The following ADAMTSL1 variants were observed in gnomAD, a reference collection of about 807,000 sequenced individuals.
The protein encoded by ADAMTSL1 is ADAMTS-like protein 1.
Under a neutral mutation model 201.8 loss-of-function variants are expected in ADAMTSL1, and 126 were observed. The ratio of observed to expected loss-of-function variants is 0.62; its 90% CI spans 0.54 to 0.72. The LOEUF (loss-of-function observed/expected upper bound fraction) is 0.72, where lower values mean the gene tolerates loss of function less well. Among genes scored for constraint, ADAMTSL1 ranks in the 30% least tolerant of loss-of-function variants. The pLI, the probability that ADAMTSL1 is intolerant of heterozygous loss-of-function variation, is 0.00. For missense variants in ADAMTSL1, 2,679 were observed against 2,277.8 expected (o/e 1.18, Z -3.59); for synonymous variants, 1,121 against 903.4 (o/e 1.24, Z -4.32).
At chr9:18,875,456 A>G (rs1828090421) in intron 23 of ADAMTSL1, among the ~76,000 whole-genome samples, 1 of 152,146 alleles carries the variant, frequency 6.6e-6, no homozygotes, top group African/African-American at 2.4e-5. Flanking sequence ...CTGTGTCACT[A>G]TTATTATTCA....
At chr9:18,824,553 G>T (rs1369289345) in intron 21 of ADAMTSL1, among the ~76,000 whole-genome samples, 1 of 152,154 alleles carries the variant, frequency 6.6e-6, no homozygotes, top group Non-Finnish European at 1.5e-5. Flanking sequence ...TCAACAGAAG[G>T]CTAGCCATTA....
At chr9:18,145,859 T>C (rs1210872434) in intron 1 of ADAMTSL1, among the ~76,000 whole-genome samples, 4 of 152,142 alleles carry the variant, frequency 2.6e-5, no homozygotes, top group Non-Finnish European at 5.9e-5. Context: ...ATCTCATAAA[T>C]GACTTGTGTT....
At chr9:18,818,964 C>T (rs1305366445) in intron 21 of ADAMTSL1, among the ~76,000 whole-genome samples, 7 of 152,060 alleles carry the variant, frequency 4.6e-5, no homozygotes, top group Admixed American at 3.9e-4. Flanking sequence ...AAGACAAAAC[C>T]CCTGACAGGG....
chr9:18,284,202 C>A (rs1046505556), intron 2 of ADAMTSL1, among the ~76,000 whole-genome samples: 7 of 151,720 alleles, frequency 4.6e-5, no homozygotes, highest in African/African-American at 1.7e-4. Context: ...GCACTCCAGC[C>A]TGGGCAACAA....
At chr9:18,592,033 G>C (rs941152022) in intron 4 of ADAMTSL1, among the ~76,000 whole-genome samples, 1 of 152,192 alleles carries the variant, frequency 6.6e-6, no homozygotes, top group Non-Finnish European at 1.5e-5. Flanking sequence ...GGCCCTTTCT[G>C]TTAACCAATG....
rs1201714793 is a variant in ADAMTSL1, at chr9:18,393,543, C to T, written c.208-111286C>T. On this transcript the variant is annotated intron_variant, in intron 2 of 29. Transcript: ENST00000680146. ...TGATATGTTGCATCATTCAAACTTA[C>T]TAAGGATGTTAAAGAAGACAGTGTG... 3.3e-5 allele frequency among the ~76,000 whole-genome samples: 5 copies of T among 152,184 alleles called. No individual in the cohort carries two copies. In the East Asian group the frequency reaches 9.6e-4, roughly 29 times the overall value.
intron 2 of ADAMTSL1, among the ~76,000 whole-genome samples, chr9:18,344,648 G>T (rs564001636): frequency 6.6e-6 from 1 of 152,260 alleles, no homozygotes; most frequent in African/African-American, 2.4e-5. Flanking sequence ...ATTGGCGGTT[G>T]TTGAATCCTA....
chr9:18,666,017 G>T (rs1442064109), intron 9 of ADAMTSL1, among the ~76,000 whole-genome samples: 1 of 152,096 alleles, frequency 6.6e-6, no homozygotes, highest in Non-Finnish European at 1.5e-5. Flanking sequence ...TTATACAGTA[G>T]ATACTTGGCA....
chr9:18,261,037 T>C (rs1241198047), intron 2 of ADAMTSL1, among the ~76,000 whole-genome samples: 1 of 117,768 alleles, frequency 8.5e-6, no homozygotes, highest in Non-Finnish European at 1.7e-5. Context: ...TTGTGTGTCC[T>C]ACAGAAAGAG....
chr9:18,795,291 AG>A, intron 19 of ADAMTSL1, 105 bp from the exon 20 acceptor site: 1 of 1,435,104 alleles, frequency 7.0e-7, no homozygotes, highest in Non-Finnish European at 9.4e-7. Flanking sequence ...TTGTTAAAAC[AG>A]GGTTCTGCAT....
chr9:18,502,666 C>T (rs533851153), intron 1 of ADAMTSL1, among the ~76,000 whole-genome samples: 1 of 152,080 alleles, frequency 6.6e-6, no homozygotes, highest in African/African-American at 2.4e-5. Context: ...TTGGGGTTAC[C>T]AAGGTGGCTC....
chr9:18,872,757 G>C (rs560813354), intron 23 of ADAMTSL1, among the ~76,000 whole-genome samples: 4 of 152,266 alleles, frequency 2.6e-5, no homozygotes, highest in African/African-American at 9.6e-5. Flanking sequence ...CATTTGGGCT[G>C]GTTCCGTATT....
At position 18,711,717 on chromosome 9, in the gene ADAMTSL1, G is replaced by T. The variant is rs561187784; in HGVS notation, c.1876+4669G>T. Among the ~76,000 whole-genome samples the T allele has an allele frequency of 3.5e-4, 54 of 152,248 alleles. 1 individual carries two copies. In the South Asian group the frequency reaches 0.011, roughly 30 times the overall value. On this transcript the variant is annotated intron_variant, in intron 14 of 28. Transcript: ENST00000380548. ...GCTTGCTTAGGTAAACAAAGCAGCT[G>T]GGAAGCTCGAACTGGGTGGAGCCCA...
chr9:18,247,643 G>T (rs1831314198), intron 2 of ADAMTSL1, among the ~76,000 whole-genome samples: 1 of 152,146 alleles, frequency 6.6e-6, no homozygotes, highest in Non-Finnish European at 1.5e-5. Flanking sequence ...GGTGGTCCGA[G>T]AAGGTCTTTC....
intron 2 of ADAMTSL1, among the ~76,000 whole-genome samples, chr9:18,208,240 T>G (rs1403423325): frequency 6.6e-6 from 1 of 152,178 alleles, no homozygotes; most frequent in African/African-American, 2.4e-5. Flanking sequence ...ATGTACTTAT[T>G]ATCCCAGGTT....
rs75788277 is a variant in ADAMTSL1, at chr9:18,127,294, C to G, written c.88-36568C>G. On this transcript the variant is annotated intron_variant, in intron 1 of 29. Coordinates refer to the ADAMTSL1 transcript ENST00000680146. ...AATTGTGATTAACTACCTAGACCACCTGATGGATTACACTGTACTAGATCC... is the reference window on the plus strand; with the variant it reads ...AATTGTGATTAACTACCTAGACCACGTGATGGATTACACTGTACTAGATCC... 7.1e-3 allele frequency among the ~76,000 whole-genome samples: 1,074 copies of G among 152,208 alleles called. 9 individuals are homozygous for G. The highest frequency in any genetic ancestry group is 0.012 in the Non-Finnish European group (808 of 68,020).
chr9:18,847,665 AGG>A, intron 23 of ADAMTSL1, among the ~76,000 whole-genome samples: 2 of 72,876 alleles, frequency 2.7e-5, no homozygotes, highest in Non-Finnish European at 7.7e-5. Context: ...GAGAGAAGAG[AGG>A]AGAAGAGCAT....
intron 1 of ADAMTSL1, among the ~76,000 whole-genome samples, chr9:18,163,265 G>A (rs143357166): frequency 1.2e-4 from 18 of 152,056 alleles, no homozygotes; most frequent in African/African-American, 3.6e-4. Context: ...GCTGATAACA[G>A]ACACCTCTTG....
chr9:18,655,149 C>T (rs1361812023), intron 7 of ADAMTSL1, among the ~76,000 whole-genome samples: 7 of 152,230 alleles, frequency 4.6e-5, no homozygotes. Context: ...TTTAACAGTG[C>T]TTTCTCTGGA....
Sources: gnomAD v4.1 joint callset for allele counts (sites outside exome capture counted in the v4.1 genomes callset) on GRCh38, gnomAD v4.1.1 for gene constraint, MANE v1.5 for transcripts, NCBI Gene and HGNC (gene_info 2026-07-23, HGNC 2026-07-21) for gene names.